The following MORF4L1 variants were observed in gnomAD, a reference collection of about 807,000 sequenced individuals.
MORF4L1 encodes mortality factor 4 like 1, also known as mortality factor 4-like protein 1.
A neutral mutation model predicts 52.9 loss-of-function variants in MORF4L1; 4 were observed. The observed-to-expected ratio is 0.08, with a 90% CI of 0.04 to 0.17. The LOEUF (loss-of-function observed/expected upper bound fraction) is 0.17. Among genes scored for constraint, MORF4L1 ranks in the 10% least tolerant of loss-of-function variants. The pLI is 1.00. For synonymous variants in MORF4L1, 123 were observed against 134.8 expected (o/e 0.91, Z 0.61); for missense variants, 214 against 390.4 (o/e 0.55, Z 3.81).
chr15:78,883,156 A>C (rs1482812789), intron 3 of MORF4L1, among the ~76,000 whole-genome samples: 1 of 150,872 alleles, frequency 6.6e-6, no homozygotes, highest in Non-Finnish European at 1.5e-5. Flanking sequence ...CGAAGGTTGC[A>C]GTGAGCTGAG....
At chr15:78,873,170 G>A (rs1239881162) in intron 1 of MORF4L1, 113 bp downstream of exon 1, 6 of 1,534,958 alleles carry the variant, frequency 3.9e-6, no homozygotes, top group Non-Finnish European at 2.6e-6. Context: ...CTGAGAAGGC[G>A]GCGGTCAGTG....
chr15:78,896,122 G>A (rs756314526), intron 11 of MORF4L1, among the ~76,000 whole-genome samples: 1 of 151,916 alleles, frequency 6.6e-6, no homozygotes, highest in Non-Finnish European at 1.5e-5. Flanking sequence ...GGGATTACAG[G>A]TGCACACCAC....
intron 9 of MORF4L1, 140 bp from the exon 10 acceptor site, chr15:78,893,918 C>T: frequency 2.6e-6 from 2 of 775,116 alleles, no homozygotes; most frequent in Non-Finnish European, 4.1e-6. Context: ...TCAAACCCTG[C>T]TTTCATATGC....
chr15:78,890,725 C>A, intron 5 of MORF4L1: 1 of 228,982 alleles, frequency 4.4e-6, no homozygotes, highest in Non-Finnish European at 8.3e-6. Context: ...TAGAGATCCA[C>A]CCCCTCTTCA....
intron 6 of MORF4L1, chr15:78,891,215 A>G: frequency 1.4e-6 from 1 of 721,984 alleles, no homozygotes; most frequent in Non-Finnish European, 2.3e-6. Flanking sequence ...ATTTATTTTC[A>G]TCTGCTTTAG....
At chr15:78,896,929 T>C in intron 11 of MORF4L1, 54 bp from the exon 12 acceptor site, 1 of 1,367,198 alleles carries the variant, frequency 7.3e-7, no homozygotes, top group Non-Finnish European at 1.0e-6. Flanking sequence ...AGGAAGAGAT[T>C]TGGATCAAGA....
chr15:78,886,037 TC>T lies in MORF4L1; in HGVS notation c.156-103del, dbSNP rs2056697173. The T allele has an allele frequency of 3.6e-5, 28 of 781,508 alleles. No individual in the cohort carries two copies. In the South Asian group the frequency reaches 4.1e-4, roughly 12 times the overall value. The allele number at this position is 781,508 out of a possible 1,614,324, so 48.4% of individuals were successfully genotyped here. Reference sequence around the variant, plus strand: ...TTGAGAATATATTTGTAGTGCCAGTTCATCAAATTACTTAAGAGAAATCCAG... The same window carrying T: ...TTGAGAATATATTTGTAGTGCCAGTTATCAAATTACTTAAGAGAAATCCAG... On this transcript the variant is annotated intron_variant, in intron 3 of 11. Coordinates refer to ENST00000426013, the MANE Select transcript of MORF4L1 (RefSeq NM_006791.4).
chr15:78,887,072 T>C (rs570277302), intron 4 of MORF4L1, among the ~76,000 whole-genome samples, 197 bp from the exon 5 acceptor site: 3 of 152,230 alleles, frequency 2.0e-5, no homozygotes, highest in Non-Finnish European at 4.4e-5. Flanking sequence ...ACAGTCACTT[T>C]TTATTACATT....
At chr15:78,893,155 A>G (rs79525342) in intron 8 of MORF4L1, 4,442 of 165,134 alleles carry the variant, frequency 0.027, 245 homozygotes, top group African/African-American at 0.1. Context: ...AGTATGCATA[A>G]CAGTAAATGA....
intron 1 of MORF4L1, among the ~76,000 whole-genome samples, chr15:78,875,125 C>T (rs1286579952): frequency 6.6e-6 from 1 of 152,100 alleles, no homozygotes; most frequent in African/African-American, 2.4e-5. Flanking sequence ...TGTTTCAGTA[C>T]AGTTGGTTTC....
chr15:78,891,597 T>G, intron 7 of MORF4L1, 25 bp downstream of exon 7: 4 of 1,545,974 alleles, frequency 2.6e-6, no homozygotes, highest in Non-Finnish European at 3.6e-6. Flanking sequence ...TGTTTATGAA[T>G]AGCATGTTAG....
chr15:78,879,187 C>A (rs1314068081), intron 2 of MORF4L1, among the ~76,000 whole-genome samples: 1 of 152,102 alleles, frequency 6.6e-6, no homozygotes, highest in Non-Finnish European at 1.5e-5. Context: ...TTTGGGCAAC[C>A]AAGCGAGACT....
chr15:78,873,996 G>A (rs2056427591), intron 1 of MORF4L1: 1 of 152,244 alleles, frequency 6.6e-6, no homozygotes, highest in African/African-American at 2.4e-5. Context: ...ACAATGACTT[G>A]AAAGTTGAAT....
At chr15:78,883,399 A>C (rs2056638065) in intron 3 of MORF4L1, among the ~76,000 whole-genome samples, 1 of 152,254 alleles carries the variant, frequency 6.6e-6, no homozygotes, top group Admixed American at 6.5e-5. Flanking sequence ...AAAATTGCAC[A>C]CATAGATGTG....
chr15:78,879,992 T>C (rs2056572356), intron 2 of MORF4L1, among the ~76,000 whole-genome samples: 1 of 152,224 alleles, frequency 6.6e-6, no homozygotes, highest in South Asian at 2.1e-4. Context: ...AACCAGATAG[T>C]CATCACTTGT....
At chr15:78,882,527 A>G (rs1348677504) in intron 3 of MORF4L1, among the ~76,000 whole-genome samples, 2 of 152,180 alleles carry the variant, frequency 1.3e-5, no homozygotes, top group East Asian at 1.9e-4. Flanking sequence ...AGTGTATCTC[A>G]TAGCTTTTTA....
At chr15:78,896,537 A>G (rs904668854) in intron 11 of MORF4L1, among the ~76,000 whole-genome samples, 7 of 150,902 alleles carry the variant, frequency 4.6e-5, no homozygotes, top group East Asian at 2.0e-4. Flanking sequence ...TTGAACCCCA[A>G]CCTCAGGTGA....
intron 10 of MORF4L1, 70 bp downstream of exon 10, chr15:78,894,300 A>G: frequency 8.0e-7 from 1 of 1,251,750 alleles, no homozygotes; most frequent in South Asian, 1.9e-5. Context: ...TAAGAGGTAA[A>G]GTAATTAACT....
intron 10 of MORF4L1, chr15:78,894,517 C>T: frequency 2.7e-6 from 1 of 370,662 alleles, no homozygotes; most frequent in Non-Finnish European, 4.9e-6. Flanking sequence ...CAACAATTCT[C>T]CTGCCTCAGC....
Sources: allele counts gnomAD v4.1 joint callset (sites outside exome capture counted in the v4.1 genomes callset), GRCh38; gene constraint gnomAD v4.1.1; transcripts MANE v1.5; gene names NCBI Gene and HGNC (gene_info 2026-07-23, HGNC 2026-07-21).